The following FOCAD variants were observed in gnomAD, a reference collection of about 807,000 sequenced individuals.
FOCAD encodes KIAA1797.
In FOCAD, 198 loss-of-function variants were observed where a neutral mutation model predicts 225.6. That is an observed-to-expected ratio of 0.88 (90% CI 0.78 to 0.99). FOCAD has a LOEUF of 0.99. Among genes scored for constraint, FOCAD ranks in the 50% least tolerant of loss-of-function variants. The probability of loss-of-function intolerance (pLI) is 0.00; values close to 1 mark genes in which losing one functional copy is unlikely to be tolerated. For missense variants in FOCAD, 2,713 were observed against 2,123.6 expected, an observed-to-expected ratio of 1.28 and a Z score of -5.46; for synonymous variants, 897 against 755.0, an observed-to-expected ratio of 1.19 and a Z score of -3.08.
At chr9:20,742,106 C>G (rs1004666828) in intron 5 of FOCAD, among the ~76,000 whole-genome samples, 15 of 152,114 alleles carry the variant, frequency 9.9e-5, no homozygotes, top group African/African-American at 3.1e-4. Context: ...ACCAATTAGC[C>G]GTCACTCCAT....
intron 7 of FOCAD, among the ~76,000 whole-genome samples, chr9:20,767,151 A>C (rs1488662010): frequency 4.7e-5 from 7 of 150,350 alleles, no homozygotes; most frequent in African/African-American, 1.7e-4. Context: ...AAAGGACATG[A>C]ACTCATCATT....
chr9:20,932,357 C>G (rs1471521764), intron 27 of FOCAD, among the ~76,000 whole-genome samples: 2 of 152,140 alleles, frequency 1.3e-5, no homozygotes, highest in Non-Finnish European at 1.5e-5. Context: ...GACGTAGGAA[C>G]CTGTAGCTAC....
chr9:20,830,986 A>G (rs1272129276), intron 15 of FOCAD, among the ~76,000 whole-genome samples: 1 of 151,978 alleles, frequency 6.6e-6, no homozygotes, highest in Non-Finnish European at 1.5e-5. Context: ...GCCTATGACT[A>G]CCTTTAAAGG....
At chr9:20,940,142 CTGTT>C (rs763830439) in intron 28 of FOCAD, among the ~76,000 whole-genome samples, 2 of 152,152 alleles carry the variant, frequency 1.3e-5, no homozygotes, top group East Asian at 3.8e-4. Flanking sequence ...ACTTGCCTGT[CTGTT>C]AGAGCCCAAT....
intron 15 of FOCAD, among the ~76,000 whole-genome samples, chr9:20,840,021 G>T (rs1327700054): frequency 6.6e-6 from 1 of 152,008 alleles, no homozygotes; most frequent in Non-Finnish European, 1.5e-5. Context: ...TGGTCTATGT[G>T]TCTGTTTTTA....
intron 7 of FOCAD, among the ~76,000 whole-genome samples, chr9:20,767,974 C>A (rs1167392647): frequency 2.6e-5 from 4 of 152,060 alleles, no homozygotes; most frequent in Non-Finnish European, 5.9e-5. Context: ...ATGTTTAAGT[C>A]TTTAATCCAT....
At chr9:20,862,495 T>C (rs1828861326) in intron 15 of FOCAD, 83 bp from the exon 16 acceptor site, 1 of 1,433,920 alleles carries the variant, frequency 7.0e-7, no homozygotes, top group South Asian at 1.5e-5. Context: ...AGTTTCCTTA[T>C]AATAAAATAT....
At chr9:20,843,850 G>T (rs1826800814) in intron 15 of FOCAD, among the ~76,000 whole-genome samples, 2 of 152,134 alleles carry the variant, frequency 1.3e-5, no homozygotes, top group Admixed American at 6.6e-5. Context: ...TAGTGGCTTA[G>T]AGTTGGAGAG....
chr9:20,972,541 C>T (rs188525853), intron 35 of FOCAD, among the ~76,000 whole-genome samples: 2 of 151,048 alleles, frequency 1.3e-5, no homozygotes, highest in Admixed American at 1.3e-4. Context: ...TTTGTTGATT[C>T]TCCCTCTGCC....
intron 3 of FOCAD, among the ~76,000 whole-genome samples, chr9:20,718,709 A>G (rs1825542927): frequency 6.6e-6 from 1 of 152,182 alleles, no homozygotes; most frequent in African/African-American, 2.4e-5. Context: ...TCCTGCCTAT[A>G]ATCACATTGT....
chr9:20,862,780 G>A lies in FOCAD; in HGVS notation c.2055+68G>A, dbSNP rs1828892345. On this transcript the variant is annotated intron_variant, in intron 16 of 43. Coordinates refer to ENST00000338382, the MANE Select transcript of FOCAD (RefSeq NM_001375567.1). ...AAAGATGTGTGTTATAATAACTTTT[G>A]GAATAAATATTCCTAATCTGTTGTT... 94 of 1,522,066 alleles carry A rather than the reference G, an allele frequency of 6.2e-5. 1 individual carries two copies. The Middle Eastern group carries it at 1.0e-3, about 17-fold the overall frequency. 94.3% of individuals were successfully genotyped at this position (1,522,066 alleles called of 1,614,324 possible). A position where few individuals can be genotyped will look rare whatever the true frequency, so the allele number is the denominator to read the frequency against.
intron 5 of FOCAD, among the ~76,000 whole-genome samples, chr9:20,746,273 G>A (rs773292525): frequency 1.3e-5 from 2 of 152,158 alleles, no homozygotes; most frequent in Admixed American, 1.3e-4. Flanking sequence ...TCAGAGGAAG[G>A]AAAAGCAAGT....
intron 39 of FOCAD, 22 bp from the exon 40 acceptor site, chr9:20,986,266 A>ATGTTTTTTT: frequency 1.4e-6 from 1 of 705,686 alleles, no homozygotes; most frequent in Non-Finnish European, 1.8e-6. Context: ...TAACTAAACA[A>ATGTTTTTTT]TTTTTTTTTT....
chr9:20,736,814 A>C (rs1827187450), intron 4 of FOCAD, among the ~76,000 whole-genome samples: 1 of 152,144 alleles, frequency 6.6e-6, no homozygotes, highest in Non-Finnish European at 1.5e-5. Flanking sequence ...CCTAGGCATT[A>C]AGTGACTTGC....
At chr9:20,951,737 G>A (rs142657884) in intron 34 of FOCAD, among the ~76,000 whole-genome samples, 144 of 152,212 alleles carry the variant, frequency 9.5e-4, no homozygotes, top group Non-Finnish European at 1.6e-3. Flanking sequence ...TTGCAGTCCC[G>A]ACATGCTTAA....
At chr9:20,732,730 C>T (rs926674787) in intron 4 of FOCAD, among the ~76,000 whole-genome samples, 7 of 151,882 alleles carry the variant, frequency 4.6e-5, no homozygotes, top group South Asian at 2.1e-4. Context: ...TTGCTGTAGT[C>T]GAGTGAGAGG....
chr9:20,718,830 C>G (rs553834607), intron 3 of FOCAD, among the ~76,000 whole-genome samples: 1 of 152,264 alleles, frequency 6.6e-6, no homozygotes, highest in Non-Finnish European at 1.5e-5. Flanking sequence ...ACAGTCTTAC[C>G]TGAGGCAGCA....
intron 2 of FOCAD, among the ~76,000 whole-genome samples, chr9:20,663,783 A>T (rs1327480906): frequency 1.3e-5 from 2 of 152,166 alleles, no homozygotes; most frequent in African/African-American, 2.4e-5. Flanking sequence ...TGCATTTTCC[A>T]TTTCTCTAAA....
rs188965658 is a variant in FOCAD at position 20,830,801 on chromosome 9, T to A, written c.1920+7686T>A. On this transcript the variant is annotated intron_variant, in intron 15 of 43. Transcript: ENST00000338382. ...AAGGGATCCTCCCACCTTAGACTCC[T>A]GAGTAGCTGGGACTACAGGTGCATG... Among the ~76,000 whole-genome samples the A allele has an allele frequency of 2.0e-5, 3 of 152,106 alleles. No individual in the cohort carries two copies. In the East Asian group the frequency reaches 5.8e-4, roughly 30 times the overall value.
Sources: gnomAD v4.1 joint callset for allele counts (sites outside exome capture counted in the v4.1 genomes callset) on GRCh38, gnomAD v4.1.1 for gene constraint, MANE v1.5 for transcripts, NCBI Gene and HGNC (gene_info 2026-07-23, HGNC 2026-07-21) for gene names.